ARHGAP35: variants seen among roughly 807,000 people sequenced by gnomAD.
ARHGAP35 encodes the protein Rho GTPase activating protein 35.
A neutral mutation model predicts 111.1 loss-of-function variants in ARHGAP35; 15 were observed. That is an observed-to-expected ratio of 0.13 (90% CI 0.09 to 0.21). The LOEUF (loss-of-function observed/expected upper bound fraction) is 0.21, where lower values mean the gene tolerates loss of function less well. Ranked by LOEUF, ARHGAP35 falls within the 10% of genes least tolerant of loss-of-function variation. The probability of loss-of-function intolerance (pLI) is 1.00; values close to 1 mark genes in which losing one functional copy is unlikely to be tolerated. For synonymous variants in ARHGAP35, 643 were observed against 710.3 expected (o/e 0.91, Z 1.51); for missense variants, 1,262 against 1,873.0 (o/e 0.67, Z 6.02).
chr19:46,941,047 C>T (rs2056343991), intron 3 of ARHGAP35, among the ~76,000 whole-genome samples: 1 of 152,148 alleles, frequency 6.6e-6, no homozygotes, highest in Admixed American at 6.5e-5. Flanking sequence ...TCCTTCCCAC[C>T]CTCCTTTTTT....
At chr19:46,980,998 C>G (rs895850465) in intron 3 of ARHGAP35, among the ~76,000 whole-genome samples, 2 of 152,216 alleles carry the variant, frequency 1.3e-5, no homozygotes, top group African/African-American at 2.4e-5. Flanking sequence ...CCCCCTCACC[C>G]TTTGATCTTC....
intron 2 of ARHGAP35, among the ~76,000 whole-genome samples, chr19:46,934,146 A>G (rs1019260947): frequency 6.6e-6 from 1 of 152,254 alleles, no homozygotes; most frequent in South Asian, 2.1e-4. Flanking sequence ...AACTTCAATG[A>G]TAGAAGATGG....
Position 46,908,894 on chromosome 19 carries a change from T to TA in ARHGAP35, c.-188-9592dup, listed in dbSNP as rs1216822319. On this transcript the variant is annotated intron_variant, in intron 1 of 6. Transcript: ENST00000672722. This position sits in a 1 kb window ranked among gnomAD's most constrained non-coding sequence, Gnocchi z 4.2. ...CCACCCTGGAATTCAGAAGAACCTT[T>TA]AAGCAGGGATTGCATGGAGGTGGGG... Among the ~76,000 whole-genome samples the TA allele has an allele frequency of 1.3e-5, 2 of 152,254 alleles. No homozygotes were observed. The highest frequency in any genetic ancestry group is 4.8e-5 in the African/African-American group (2 of 41,556).
chr19:46,878,189 T>A (rs1443765266), intron 1 of ARHGAP35, among the ~76,000 whole-genome samples: 1 of 152,030 alleles, frequency 6.6e-6, no homozygotes, highest in Non-Finnish European at 1.5e-5. Flanking sequence ...CCTGGCTAAA[T>A]GTTTTGTATT....
rs2122191121 is a variant in ARHGAP35, at chr19:46,918,046, C to A, written c.-188-442C>A. Among the ~76,000 whole-genome samples, 1 of 152,312 alleles carries A rather than the reference C, an allele frequency of 6.6e-6. No individual in the cohort carries two copies. Among genetic ancestry groups the A allele is most frequent in the South Asian group, 2.1e-4 (1 of 4,826 alleles). On this transcript the variant is annotated intron_variant, in intron 1 of 6. Transcript: ENST00000672722. The surrounding 1 kb of genome is among the most constrained non-coding windows in gnomAD (Gnocchi z 5.4). ...CTGTTTTTGCAGTGGGTTTATAATT[C>A]ATTACCATACTTAATTATTGTGGCG... is the stretch of plus-strand genomic sequence containing the variant.
chr19:46,993,289 G>A lies in ARHGAP35; in HGVS notation c.4036+3614G>A, dbSNP rs147974635. On this transcript the variant is annotated intron_variant, in intron 5 of 6. Coordinates refer to ENST00000672722, the MANE Select transcript of ARHGAP35 (RefSeq NM_004491.5). This position sits in a 1 kb window ranked among gnomAD's most constrained non-coding sequence, Gnocchi z 4.6. Reference sequence around the variant, plus strand: ...CTGAAGGGCTGTGACCTTGAGCCGGGCTTTCCCTTTCCTGGCGATGCAGGC... The same window carrying A: ...CTGAAGGGCTGTGACCTTGAGCCGGACTTTCCCTTTCCTGGCGATGCAGGC... Among the ~76,000 whole-genome samples, 28 of 152,356 alleles carry A rather than the reference G, an allele frequency of 1.8e-4. No individual in the cohort carries two copies. The highest frequency in any genetic ancestry group is 5.3e-4 in the African/African-American group (22 of 41,586).
At chr19:46,968,964 G>C (rs962807134) in intron 3 of ARHGAP35, among the ~76,000 whole-genome samples, 4 of 152,134 alleles carry the variant, frequency 2.6e-5, no homozygotes, top group African/African-American at 9.7e-5. Flanking sequence ...GTGTGTGCCT[G>C]TAATCCCAGC....
intron 3 of ARHGAP35, among the ~76,000 whole-genome samples, chr19:46,966,656 A>G (rs2036265696): frequency 1.3e-5 from 2 of 152,060 alleles, no homozygotes; most frequent in South Asian, 4.1e-4. Flanking sequence ...TTGTGTAGTC[A>G]TTACAGTTGT....
chr19:46,973,940 G>A lies in ARHGAP35; in HGVS notation c.3827-14049G>A, dbSNP rs538469669. Among the ~76,000 whole-genome samples, 7 of 151,876 alleles carry A rather than the reference G, an allele frequency of 4.6e-5. No individual in the cohort carries two copies. The East Asian group carries it at 1.4e-3, about 29-fold the overall frequency. On this transcript the variant is annotated intron_variant, in intron 3 of 6. Transcript: ENST00000672722. ...GAACCCAGGAGGCGGAGGCTGCAGT[G>A]AGCCAAGATTGCGCCACTGCACTCC... is the stretch of plus-strand genomic sequence containing the variant.
chr19:46,967,473 G>A (rs960287871), intron 3 of ARHGAP35, among the ~76,000 whole-genome samples: 2 of 152,118 alleles, frequency 1.3e-5, no homozygotes, highest in Non-Finnish European at 2.9e-5. Flanking sequence ...CCTGCGTTTA[G>A]TCTCTCACCC....
chr19:46,877,997 C>T (rs1461420374), intron 1 of ARHGAP35, among the ~76,000 whole-genome samples: 4 of 151,878 alleles, frequency 2.6e-5, no homozygotes, highest in East Asian at 3.9e-4. Flanking sequence ...CATTAGCCAC[C>T]GCTCCCGGCC....
At chr19:46,898,407 G>A (rs949901638) in intron 1 of ARHGAP35, among the ~76,000 whole-genome samples, 3 of 152,114 alleles carry the variant, frequency 2.0e-5, no homozygotes, top group Non-Finnish European at 4.4e-5. Flanking sequence ...CAGCCAACTA[G>A]CATCTTCATT....
chr19:46,982,671 G>T (rs2056627218), intron 3 of ARHGAP35, among the ~76,000 whole-genome samples: 1 of 151,972 alleles, frequency 6.6e-6, no homozygotes, highest in Admixed American at 6.6e-5. Flanking sequence ...TAGAGCTCTG[G>T]CACATCTTCT....
At position 47,001,337 on chromosome 19, in the gene ARHGAP35, C is replaced by T; in HGVS notation, c.*649C>T. 7.7e-7 allele frequency: 1 copy of T among 1,290,372 alleles called. No individual in the cohort carries two copies. Among genetic ancestry groups the T allele is most frequent in the South Asian group, 1.2e-5 (1 of 81,036 alleles). The allele number at this position is 1,290,372 out of a possible 1,614,324, so 79.9% of individuals were successfully genotyped here. A position where few individuals can be genotyped will look rare whatever the true frequency, so the allele number is the denominator to read the frequency against. On this transcript the variant is annotated 3_prime_UTR_variant, in exon 7 of 7. Transcript: ENST00000672722. The surrounding 1 kb of genome is among the most constrained non-coding windows in gnomAD (Gnocchi z 5.4). ...TCATCCCCACCGTCCCACTCCACAG[C>T]CTTCCCGAAACATTCCCTGGCAAAC...
At chr19:46,871,303 C>T (rs1388561784) in intron 1 of ARHGAP35, among the ~76,000 whole-genome samples, 2 of 152,184 alleles carry the variant, frequency 1.3e-5, no homozygotes, top group African/African-American at 2.4e-5. Context: ...ATCAGGCCTG[C>T]AAACAAGTGT....
chr19:46,988,727 G>A lies in ARHGAP35; in HGVS notation c.3904+661G>A. 1 of 154,076 alleles carries A rather than the reference G, an allele frequency of 6.5e-6. No homozygotes were observed. Among genetic ancestry groups the A allele is most frequent in the Non-Finnish European group, 1.4e-5 (1 of 69,328 alleles). 9.5% of individuals were successfully genotyped at this position (154,076 alleles called of 1,614,324 possible). A position where few individuals can be genotyped will look rare whatever the true frequency, so the allele number is the denominator to read the frequency against. ...CATCTATCAGCAGCCAGGGCAGGAG[G>A]CACCACCCAGAGTGGACACCACACC... On this transcript the variant is annotated intron_variant, in intron 4 of 6. Coordinates refer to ENST00000672722, the MANE Select transcript of ARHGAP35 (RefSeq NM_004491.5). The surrounding 1 kb of genome is among the most constrained non-coding windows in gnomAD (Gnocchi z 5.4).
chr19:46,971,506 G>GTT (rs113187114), intron 3 of ARHGAP35, among the ~76,000 whole-genome samples: 47 of 145,328 alleles, frequency 3.2e-4, no homozygotes, highest in East Asian at 1.2e-3. Flanking sequence ...CTTTTTTGGG[G>GTT]TTTTTTTTTT....
chr19:46,943,520 C>T (rs2056361707), intron 3 of ARHGAP35, among the ~76,000 whole-genome samples: 1 of 152,180 alleles, frequency 6.6e-6, no homozygotes, highest in Non-Finnish European at 1.5e-5. Context: ...CTGGTGCTGC[C>T]ACCTGCCCTC....
intron 3 of ARHGAP35, among the ~76,000 whole-genome samples, chr19:46,973,582 T>TG (rs2056563733): frequency 6.6e-6 from 1 of 151,790 alleles, no homozygotes; most frequent in Non-Finnish European, 1.5e-5. Context: ...TCCCAGCTAC[T>TG]CGGGAGGCTG....
Sources: allele counts gnomAD v4.1 joint callset (sites outside exome capture counted in the v4.1 genomes callset), GRCh38; gene constraint gnomAD v4.1.1; non-coding constraint Gnocchi (gnomAD v3.1); transcripts MANE v1.5; gene names NCBI Gene and HGNC (gene_info 2026-07-23, HGNC 2026-07-21).